Variants in NPR1 observed in about 807,000 individuals in gnomAD.
NPR1 encodes the protein natriuretic peptide receptor 1.
In NPR1, 57 loss-of-function variants were observed where a neutral mutation model predicts 116.9. That is an observed-to-expected ratio of 0.49 (90% CI 0.39 to 0.61). The LOEUF (loss-of-function observed/expected upper bound fraction) is 0.61, where lower values mean the gene tolerates loss of function less well. NPR1 is among the 20% of genes least tolerant of loss of function. NPR1 has a pLI of 0.00. For synonymous variants in NPR1, 555 were observed against 601.6 expected, an observed-to-expected ratio of 0.92 and a Z score of 1.13; for missense variants, 1,096 against 1,409.8, an observed-to-expected ratio of 0.78 and a Z score of 3.56.
rs1189924933 is a variant in NPR1, at chr1:153,690,068, A to ATC, written c.2932+126_2932+127dup. On this transcript the variant is annotated intron_variant, in intron 19 of 21. Coordinates refer to ENST00000368680, the MANE Select transcript of NPR1 (RefSeq NM_000906.4). ...CCCTGGCCCAGCCCCTCGCCCTTTC[A>ATC]TCTCTCTCTCTCTCTCTCTCTCTCT... The ATC allele has an allele frequency of 7.4e-3, 5,016 of 678,826 alleles. 106 individuals carry two copies. Among genetic ancestry groups the ATC allele is most frequent in the East Asian group, 0.03 (759 of 24,970 alleles). The allele number at this position is 678,826 out of a possible 1,614,324, so 42.1% of individuals were successfully genotyped here. A position where few individuals can be genotyped will look rare whatever the true frequency, so the allele number is the denominator to read the frequency against.
Position 153,693,825 on chromosome 1 carries a change from AG to A in NPR1, c.*415del, listed in dbSNP as rs1290397853. 1 of 402,408 alleles carries A rather than the reference AG, an allele frequency of 2.5e-6. No homozygotes were observed. The highest frequency in any genetic ancestry group is 4.4e-6 in the Non-Finnish European group (1 of 228,884). The allele number at this position is 402,408 out of a possible 1,614,324, so 24.9% of individuals were successfully genotyped here. ...AAAAGAGACTAGGTGAAGAGAGGGC[AG>A]GGGAGCCCACATCTGGGGCTGGCCC... is the stretch of plus-strand genomic sequence containing the variant. On this transcript the variant is annotated 3_prime_UTR_variant, in exon 22 of 22. Transcript: ENST00000368680.
chr1:153,690,997 A>G (rs1248986682), intron 20 of NPR1, among the ~76,000 whole-genome samples: 1 of 151,556 alleles, frequency 6.6e-6, no homozygotes, highest in Non-Finnish European at 1.5e-5. Context: ...TTGATGTGGT[A>G]AAGATGGCTT....
intron 20 of NPR1, 131 bp downstream of exon 20, chr1:153,690,513 A>G: frequency 1.6e-6 from 1 of 633,140 alleles, no homozygotes; most frequent in South Asian, 2.0e-5. Context: ...CCCTTCTCAT[A>G]ATATTAAGAG....
In NPR1 at chr1:153,693,405, C is replaced by T. The variant is rs758083969; in HGVS notation, c.3177C>T (p.Thr1059=). ...YWLLGERGSS[T]RG is the part of the protein sequence containing the mutation. ...TCCTTGGGGAGAGGGGGAGTAGCACCCGAGGCTGACCTGCCTCCTCTCCTA... is the reference window on the plus strand; with the variant it reads ...TCCTTGGGGAGAGGGGGAGTAGCACTCGAGGCTGACCTGCCTCCTCTCCTA... The change falls in exon 22 of 22, where the codon ACC becomes ACT. Residue 1059 remains threonine, a synonymous_variant. Coordinates refer to ENST00000368680, the MANE Select transcript of NPR1 (RefSeq NM_000906.4). 2 of 1,609,772 alleles carry T rather than the reference C, an allele frequency of 1.2e-6. No homozygotes were observed. Among genetic ancestry groups the T allele is most frequent in the Non-Finnish European group, 1.7e-6 (2 of 1,178,232 alleles).
chr1:153,681,512 T>G lies in NPR1; in HGVS notation c.1036-192T>G, dbSNP rs1669780396. ...TGGAGACGATACATCCTGCCCTGTC[T>G]ACCTAGTAGGATTCAGGAAGTGATG... On this transcript the variant is annotated intron_variant, in intron 3 of 21. Transcript: ENST00000368680. 4.5e-6 allele frequency: 3 copies of G among 665,390 alleles called. 1 individual carries two copies. Among genetic ancestry groups the G allele is most frequent in the South Asian group, 3.9e-5 (2 of 51,756 alleles). 41.2% of individuals were successfully genotyped at this position (665,390 alleles called of 1,614,324 possible).
chr1:153,688,021 C>T (rs1390467222), intron 14 of NPR1, 32 bp from the exon 15 acceptor site: 1 of 1,509,998 alleles, frequency 6.6e-7, no homozygotes, highest in Non-Finnish European at 9.1e-7. Flanking sequence ...TGGCCAGCCC[C>T]ACCCCTCAGC....
At chr1:153,690,650 A>G (rs1288754434) in intron 20 of NPR1, among the ~76,000 whole-genome samples, 1 of 151,606 alleles carries the variant, frequency 6.6e-6, no homozygotes, top group Admixed American at 6.6e-5. Flanking sequence ...TGATTTTAAG[A>G]CCCTCTGTGG....
chr1:153,685,905 GC>G, intron 9 of NPR1, 25 bp downstream of exon 9: 1 of 1,599,688 alleles, frequency 6.3e-7, no homozygotes, highest in East Asian at 2.2e-5. Flanking sequence ...AGATCACTGG[GC>G]CTTGGGACTG....
Position 153,679,066 on chromosome 1 carries a change from G to C in NPR1, c.-43G>C. The stretch of plus-strand genomic sequence containing the variant: ...CGCTGAGCCCAAGGGGACCGAGGAG[G>C]CCATGGTAGGAGCGCTCGCCTGCTG... On this transcript the variant is annotated 5_prime_UTR_variant, in exon 1 of 22. Transcript: ENST00000368680. This position sits in a 1 kb window ranked among gnomAD's most constrained non-coding sequence, Gnocchi z 4.2. 3.6e-6 allele frequency: 5 copies of C among 1,395,458 alleles called. No individual in the cohort carries two copies. Among genetic ancestry groups the C allele is most frequent in the African/African-American group, 1.5e-5 (1 of 65,396 alleles). 86.4% of individuals were successfully genotyped at this position (1,395,458 alleles called of 1,614,324 possible).
chr1:153,686,243 G>A (rs750219302), intron 10 of NPR1, 43 bp downstream of exon 10: 74 of 1,566,364 alleles, frequency 4.7e-5, no homozygotes, highest in African/African-American at 1.1e-4. Context: ...AGGGGCCCTC[G>A]GGGACGCAAG....
chr1:153,678,989 C>T lies in NPR1; in HGVS notation c.-120C>T. On this transcript the variant is annotated 5_prime_UTR_variant, in exon 1 of 22. Transcript: ENST00000368680. This position sits in a 1 kb window ranked among gnomAD's most constrained non-coding sequence, Gnocchi z 5.8. Reference sequence around the variant, plus strand: ...CCTCGAGCCCCGGGGTGAGCGTCCCCGTCCCGCTCCTGCTCCTTCCCATAG... The same window carrying T: ...CCTCGAGCCCCGGGGTGAGCGTCCCTGTCCCGCTCCTGCTCCTTCCCATAG... 3.2e-6 allele frequency: 4 copies of T among 1,241,206 alleles called. No homozygotes were observed. Among genetic ancestry groups the T allele is most frequent in the Middle Eastern group, 2.9e-4 (1 of 3,412 alleles). The allele number at this position is 1,241,206 out of a possible 1,614,324, so 76.9% of individuals were successfully genotyped here.
intron 15 of NPR1, 66 bp downstream of exon 15, chr1:153,688,287 T>C (rs1669991148): frequency 6.5e-7 from 1 of 1,543,350 alleles, no homozygotes; most frequent in African/African-American, 1.4e-5. Flanking sequence ...CTAATGCTTC[T>C]GGCTCTGGCT....
intron 20 of NPR1, among the ~76,000 whole-genome samples, chr1:153,690,941 TCAAAA>T (rs1670092463): frequency 1.9e-5 from 1 of 52,114 alleles, no homozygotes; most frequent in Admixed American, 2.7e-4. Context: ...AAACTCTGTC[TCAAAA>T]AAAAAAAAAA....
chr1:153,686,098 G>C, intron 9 of NPR1, 25 bp from the exon 10 acceptor site: 1 of 1,610,782 alleles, frequency 6.2e-7, no homozygotes, highest in Non-Finnish European at 8.5e-7. Context: ...GCTCTTCACA[G>C]TGACAGTCTC....
rs563098350 is a variant in NPR1, at chr1:153,682,412, A to G, written c.1172-86A>G. ...ACATGTATGTTTGGAAGGCAAGGCA[A>G]AAAAGATTAGAGGATGAAGAGATGA... is the stretch of plus-strand genomic sequence containing the variant. On this transcript the variant is annotated intron_variant, in intron 4 of 21. Coordinates refer to ENST00000368680, the MANE Select transcript of NPR1 (RefSeq NM_000906.4). 1.6e-4 allele frequency: 155 copies of G among 999,014 alleles called. 1 individual carries two copies. In the African/African-American group the frequency reaches 2.2e-3, roughly 14 times the overall value. 61.9% of individuals were successfully genotyped at this position (999,014 alleles called of 1,614,324 possible).
At chr1:153,688,857 A>C in intron 15 of NPR1, 96 bp from the exon 16 acceptor site, 1 of 1,480,486 alleles carries the variant, frequency 6.8e-7, no homozygotes, top group South Asian at 1.2e-5. Context: ...TAGAGACCTC[A>C]CTGCAGTCTG....
chr1:153,690,248 G>A (rs772882223), intron 19 of NPR1, 36 bp from the exon 20 acceptor site: 53 of 1,510,286 alleles, frequency 3.5e-5, no homozygotes, highest in South Asian at 9.6e-5. Flanking sequence ...TCCCTCACTC[G>A]CTGATGGGCT....
Position 153,679,019 on chromosome 1 carries a change from G to T in NPR1, c.-90G>T. ...CGCTCCTGCTCCTTCCCATAGGGAC[G>T]CGCCTGATGCCTGGGACCGGCCGCT... On this transcript the variant is annotated 5_prime_UTR_variant, in exon 1 of 22. Transcript: ENST00000368680. This position sits in a 1 kb window ranked among gnomAD's most constrained non-coding sequence, Gnocchi z 4.2. The T allele has an allele frequency of 7.4e-7, 1 of 1,345,714 alleles. No homozygotes were observed. Among genetic ancestry groups the T allele is most frequent in the Non-Finnish European group, 9.5e-7 (1 of 1,048,750 alleles). 83.4% of individuals were successfully genotyped at this position (1,345,714 alleles called of 1,614,324 possible).
chr1:153,682,304 C>A (rs966083321), intron 4 of NPR1, among the ~76,000 whole-genome samples, 194 bp from the exon 5 acceptor site: 10 of 152,238 alleles, frequency 6.6e-5, no homozygotes, highest in African/African-American at 2.4e-4. Flanking sequence ...AGGTGATCTG[C>A]CCGCCTCAGC....
Sources: gnomAD v4.1 joint callset for allele counts (sites outside exome capture counted in the v4.1 genomes callset) on GRCh38, gnomAD v4.1.1 for gene constraint, Gnocchi (gnomAD v3.1) non-coding constraint, MANE v1.5 for transcripts, NCBI Gene and HGNC (gene_info 2026-07-23, HGNC 2026-07-21) for gene names.